The following ZNF804B variants were observed in gnomAD, a reference collection of about 807,000 sequenced individuals.
The protein encoded by ZNF804B is zinc finger 804B.
A neutral mutation model predicts 101.4 loss-of-function variants in ZNF804B; 80 were observed. The ratio of observed to expected loss-of-function variants is 0.79; its 90% CI spans 0.66 to 0.95. The LOEUF is 0.95. Among genes scored for constraint, ZNF804B ranks in the 40% least tolerant of loss-of-function variants. The pLI is 0.00. For synonymous variants in ZNF804B, 622 were observed against 558.8 expected, an observed-to-expected ratio of 1.11 and a Z score of -1.59; for missense variants, 1,673 against 1,561.9, an observed-to-expected ratio of 1.07 and a Z score of -1.20.
At chr7:88,834,145 A>G (rs1024229799) in intron 1 of ZNF804B, among the ~76,000 whole-genome samples, 3 of 151,848 alleles carry the variant, frequency 2.0e-5, no homozygotes, top group African/African-American at 7.2e-5. Flanking sequence ...AGTTACCTTG[A>G]GAGTAAATGG....
At chr7:89,087,537 G>A (rs1034593287) in intron 1 of ZNF804B, among the ~76,000 whole-genome samples, 1 of 151,836 alleles carries the variant, frequency 6.6e-6, no homozygotes, top group African/African-American at 2.4e-5. Flanking sequence ...CAAGTGCTTT[G>A]CAAATTTAAC....
chr7:89,305,232 T>C (rs544306509), intron 2 of ZNF804B, among the ~76,000 whole-genome samples: 1 of 152,152 alleles, frequency 6.6e-6, no homozygotes, highest in African/African-American at 2.4e-5. Context: ...TCATTATTAT[T>C]ATTAAATATT....
At chr7:89,017,789 T>A (rs1788593693) in intron 1 of ZNF804B, among the ~76,000 whole-genome samples, 1 of 152,176 alleles carries the variant, frequency 6.6e-6, no homozygotes, top group Non-Finnish European at 1.5e-5. Context: ...TAAATGGGAT[T>A]TCTTTTTTCA....
chr7:89,291,621 T>C lies in ZNF804B; in HGVS notation c.250-35723T>C, dbSNP rs1367815031. Among the ~76,000 whole-genome samples the C allele has an allele frequency of 2.0e-5, 3 of 151,918 alleles. No homozygotes were observed. The East Asian group carries it at 5.8e-4, about 29-fold the overall frequency. On this transcript the variant is annotated intron_variant, in intron 2 of 3. Coordinates refer to ENST00000333190, the MANE Select transcript of ZNF804B (RefSeq NM_181646.5). ...AAGAATAAAAAAGGATGAAGCACAC[T>C]TACAAAATCTATAAAATAGCCTCAG... is the stretch of plus-strand genomic sequence containing the variant.
At chr7:89,075,477 G>A (rs1789603053) in intron 1 of ZNF804B, among the ~76,000 whole-genome samples, 1 of 152,166 alleles carries the variant, frequency 6.6e-6, no homozygotes, top group African/African-American at 2.4e-5. Context: ...TGTTGAGCCT[G>A]CAGGTGCACA....
intron 1 of ZNF804B, among the ~76,000 whole-genome samples, chr7:89,007,849 G>A (rs1788394005): frequency 6.6e-6 from 1 of 151,098 alleles, no homozygotes; most frequent in South Asian, 2.1e-4. Context: ...AAAGAACATA[G>A]GCTTCCATTA....
At chr7:89,201,726 G>A (rs1331983725) in intron 1 of ZNF804B, among the ~76,000 whole-genome samples, 1 of 151,956 alleles carries the variant, frequency 6.6e-6, no homozygotes, top group African/African-American at 2.4e-5. Context: ...AGTAAAATCT[G>A]TATCATTCTC....
intron 2 of ZNF804B, among the ~76,000 whole-genome samples, chr7:89,256,964 A>G (rs905237186): frequency 1.3e-5 from 2 of 152,188 alleles, no homozygotes; most frequent in African/African-American, 4.8e-5. Flanking sequence ...TATGATAGAT[A>G]TAAGAATTAA....
chr7:88,914,369 G>A (rs926002719), intron 1 of ZNF804B, among the ~76,000 whole-genome samples: 2 of 151,864 alleles, frequency 1.3e-5, no homozygotes, highest in South Asian at 2.1e-4. Flanking sequence ...TTTCTTTCAC[G>A]ATTGCCCCTG....
At chr7:88,934,439 A>C (rs1398625163) in intron 1 of ZNF804B, among the ~76,000 whole-genome samples, 1 of 152,114 alleles carries the variant, frequency 6.6e-6, no homozygotes, top group African/African-American at 2.4e-5. Context: ...CAGCAAAAGA[A>C]ATAATCAGCA....
rs780321138 is a variant in ZNF804B, at chr7:89,335,638, G to T, written c.2656G>T (p.Val886Phe). 1.9e-6 allele frequency: 3 copies of T among 1,613,886 alleles called. No homozygotes were observed. The highest frequency in any genetic ancestry group is 2.5e-6 in the Non-Finnish European group (3 of 1,179,962). The part of the protein sequence containing the change: ...GSPHICDLGK[V>F]RPMKCNSGNI... ...CCCTCACATTTGTGATCTGGGAAAA[G>T]TCAGGCCCATGAAGTGTAACTCCGG... Residue 886 changes from valine (V) to phenylalanine (F), a missense_variant, in exon 4 of 4, where the codon GTC becomes TTC. Transcript: ENST00000333190.
At chr7:88,822,426 C>T (rs1422440696) in intron 1 of ZNF804B, among the ~76,000 whole-genome samples, 1 of 152,088 alleles carries the variant, frequency 6.6e-6, no homozygotes, top group Non-Finnish European at 1.5e-5. Context: ...TAAATACAGC[C>T]CACAGGCCAG....
intron 1 of ZNF804B, among the ~76,000 whole-genome samples, chr7:88,924,217 G>C (rs928238257): frequency 6.6e-6 from 1 of 152,000 alleles, no homozygotes. Context: ...CATTCTAAAT[G>C]CTGTTAATGA....
At chr7:89,174,069 ATTTC>A (rs1186658941) in intron 1 of ZNF804B, among the ~76,000 whole-genome samples, 1 of 151,986 alleles carries the variant, frequency 6.6e-6, no homozygotes, top group East Asian at 1.9e-4. Context: ...AGCATTTATC[ATTTC>A]TTTGTGTTAC....
chr7:88,790,390 C>T (rs987452888), intron 1 of ZNF804B, among the ~76,000 whole-genome samples: 1 of 151,958 alleles, frequency 6.6e-6, no homozygotes, highest in African/African-American at 2.4e-5. Context: ...TCAAGCCCCA[C>T]GTGCATTAGC....
intron 1 of ZNF804B, among the ~76,000 whole-genome samples, chr7:89,213,953 A>G (rs1788844890): frequency 6.6e-6 from 1 of 152,232 alleles, no homozygotes; most frequent in Non-Finnish European, 1.5e-5. Flanking sequence ...AATAGTAACA[A>G]TTTGATAGCA....
At chr7:89,056,384 G>A (rs1789295935) in intron 1 of ZNF804B, among the ~76,000 whole-genome samples, 1 of 152,060 alleles carries the variant, frequency 6.6e-6, no homozygotes, top group African/African-American at 2.4e-5. Context: ...GAGGTGCTAT[G>A]TATGTTTAGA....
In ZNF804B at chr7:88,851,317, G is replaced by A. The variant is rs372373678; in HGVS notation, c.108+91233G>A. Reference sequence around the variant, plus strand: ...CAACAAACATAAGAAACATAAAAAAGCACACCAAAGCACATTACCATCAAA... The same window carrying A: ...CAACAAACATAAGAAACATAAAAAAACACACCAAAGCACATTACCATCAAA... On this transcript the variant is annotated intron_variant, in intron 1 of 3. Transcript: ENST00000333190. 2.2e-4 allele frequency among the ~76,000 whole-genome samples: 33 copies of A among 151,982 alleles called. 2 individuals are homozygous for A. Among genetic ancestry groups the A allele is most frequent in the East Asian group, 7.7e-4 (4 of 5,182 alleles).
chr7:88,785,458 C>T (rs1046901680), intron 1 of ZNF804B, among the ~76,000 whole-genome samples: 5 of 152,084 alleles, frequency 3.3e-5, no homozygotes, highest in South Asian at 2.1e-4. Flanking sequence ...TATACAGTCT[C>T]GTTACCTAGT....
Sources: allele counts gnomAD v4.1 joint callset (sites outside exome capture counted in the v4.1 genomes callset), GRCh38; gene constraint gnomAD v4.1.1; transcripts MANE v1.5; gene names NCBI Gene and HGNC (gene_info 2026-07-23, HGNC 2026-07-21).